Variants in ELOVL7 observed in about 807,000 individuals in gnomAD.
ELOVL7 encodes the protein very long chain fatty acid elongase 7.
A neutral mutation model predicts 35.7 loss-of-function variants in ELOVL7; 27 were observed. The observed-to-expected ratio is 0.76, with a 90% CI of 0.56 to 1.04. The LOEUF is 1.04. ELOVL7 is among the 50% of genes least tolerant of loss of function. ELOVL7 has a pLI of 0.00. For missense variants in ELOVL7, 327 were observed against 340.8 expected (o/e 0.96, Z 0.32); for synonymous variants, 113 against 114.6 (o/e 0.99, Z 0.09).
At chr5:60,769,098 G>GT (rs1742421327) in intron 4 of ELOVL7, among the ~76,000 whole-genome samples, 1 of 152,092 alleles carries the variant, frequency 6.6e-6, no homozygotes, top group African/African-American at 2.4e-5. Context: ...TGTTAACTTG[G>GT]TAAGTTATAA....
intron 3 of ELOVL7, among the ~76,000 whole-genome samples, chr5:60,780,642 C>A (rs1251376082): frequency 6.6e-6 from 1 of 152,086 alleles, no homozygotes; most frequent in East Asian, 1.9e-4. Flanking sequence ...GCTGGGGAGG[C>A]CTCAGGAAAC....
At chr5:60,800,673 C>A (rs1744555717) in intron 1 of ELOVL7, among the ~76,000 whole-genome samples, 1 of 152,190 alleles carries the variant, frequency 6.6e-6, no homozygotes, top group Non-Finnish European at 1.5e-5. Context: ...GATAAGGTCT[C>A]ATTCTGAAGT....
intron 1 of ELOVL7, among the ~76,000 whole-genome samples, chr5:60,826,117 G>A (rs935479353): frequency 3.3e-5 from 5 of 152,166 alleles, no homozygotes; most frequent in Admixed American, 6.5e-5. Flanking sequence ...CAAATAGTAC[G>A]TATCTATAAA....
rs1439413022 is a variant in ELOVL7 at position 60,754,237 on chromosome 5, AT to A, written c.*386del. 5.4e-6 allele frequency: 1 copy of A among 184,794 alleles called. No individual in the cohort carries two copies. Among genetic ancestry groups the A allele is most frequent in the Non-Finnish European group, 1.1e-5 (1 of 87,578 alleles). 11.4% of individuals were successfully genotyped at this position (184,794 alleles called of 1,614,324 possible). ...TTTCCAGACCCAGCAGAAGGAATCT[AT>A]TTTATCACATGGATCTCCGTCTGTG... On this transcript the variant is annotated 3_prime_UTR_variant, in exon 9 of 9. Transcript: ENST00000508821.
At chr5:60,780,535 A>G (rs1743184499) in intron 3 of ELOVL7, among the ~76,000 whole-genome samples, 1 of 152,140 alleles carries the variant, frequency 6.6e-6, no homozygotes, top group Non-Finnish European at 1.5e-5. Context: ...GTAGCGCCCC[A>G]TTCTGAGATA....
chr5:60,832,010 A>G (rs1746509135), intron 1 of ELOVL7, among the ~76,000 whole-genome samples: 2 of 152,216 alleles, frequency 1.3e-5, no homozygotes, highest in South Asian at 2.1e-4. Flanking sequence ...CAATATTACT[A>G]TTTCATAAGC....
At chr5:60,798,439 G>T (rs4700392) in intron 2 of ELOVL7, among the ~76,000 whole-genome samples, 123,891 of 152,130 alleles carry the variant, frequency 0.81, 50,688 homozygotes, top group East Asian at 0.89. Context: ...TGATACTACA[G>T]AAGCTTTTTT....
At chr5:60,825,203 G>C (rs1746099531) in intron 1 of ELOVL7, among the ~76,000 whole-genome samples, 1 of 152,006 alleles carries the variant, frequency 6.6e-6, no homozygotes, top group African/African-American at 2.4e-5. Flanking sequence ...CTCATACTTA[G>C]CTTCAACTGC....
At chr5:60,835,706 C>T (rs1317178943) in intron 1 of ELOVL7, among the ~76,000 whole-genome samples, 1 of 152,066 alleles carries the variant, frequency 6.6e-6, no homozygotes, top group Non-Finnish European at 1.5e-5. Flanking sequence ...AGCCACTGCA[C>T]CCAGCCATCT....
chr5:60,771,146 T>C, intron 4 of ELOVL7, among the ~76,000 whole-genome samples: 1 of 152,132 alleles, frequency 6.6e-6, no homozygotes, highest in Non-Finnish European at 1.5e-5. Context: ...GCACCAGTTA[T>C]GCTATAGAGG....
chr5:60,769,053 C>A (rs1347015524), intron 4 of ELOVL7, among the ~76,000 whole-genome samples: 1 of 152,128 alleles, frequency 6.6e-6, no homozygotes, highest in Admixed American at 6.5e-5. Flanking sequence ...CTGAGACTAG[C>A]CTCTAGCTTG....
intron 7 of ELOVL7, among the ~76,000 whole-genome samples, chr5:60,759,315 G>A (rs1741736191): frequency 6.6e-6 from 1 of 152,130 alleles, no homozygotes; most frequent in Non-Finnish European, 1.5e-5. Flanking sequence ...TTTCCAGCTT[G>A]TATTATTTAT....
chr5:60,841,352 T>C (rs1392320478), intron 1 of ELOVL7, among the ~76,000 whole-genome samples: 1 of 152,036 alleles, frequency 6.6e-6, no homozygotes, highest in Non-Finnish European at 1.5e-5. Context: ...CTATATGGAG[T>C]ATGATGAAGG....
chr5:60,760,010 T>C (rs1329359867), intron 7 of ELOVL7, among the ~76,000 whole-genome samples: 2 of 152,338 alleles, frequency 1.3e-5, no homozygotes, highest in Non-Finnish European at 2.9e-5. Context: ...GGTATATATG[T>C]GCCACATTTT....
intron 2 of ELOVL7, among the ~76,000 whole-genome samples, chr5:60,798,036 T>A (rs1003485502): frequency 1.3e-5 from 2 of 152,138 alleles, no homozygotes; most frequent in Non-Finnish European, 2.9e-5. Flanking sequence ...TTGCTTTGAG[T>A]TGTCCCGCGT....
chr5:60,773,233 A>G (rs900068949), intron 3 of ELOVL7, among the ~76,000 whole-genome samples: 2 of 152,214 alleles, frequency 1.3e-5, no homozygotes, highest in Non-Finnish European at 2.9e-5. Context: ...ACAAGTTCCC[A>G]GAAGGACCTG....
chr5:60,815,748 T>C (rs148960007), intron 1 of ELOVL7, among the ~76,000 whole-genome samples: 19 of 152,204 alleles, frequency 1.2e-4, no homozygotes, highest in African/African-American at 4.6e-4. Flanking sequence ...TTCTATTTCT[T>C]TTTAGTAGAG....
chr5:60,767,561 T>C (rs1742316804), intron 5 of ELOVL7, among the ~76,000 whole-genome samples: 1 of 152,246 alleles, frequency 6.6e-6, no homozygotes, highest in African/African-American at 2.4e-5. Context: ...ATGGTAATTC[T>C]ATTTTCAATT....
At chr5:60,837,835 G>A (rs1746918869) in intron 1 of ELOVL7, among the ~76,000 whole-genome samples, 2 of 152,030 alleles carry the variant, frequency 1.3e-5, no homozygotes, top group African/African-American at 2.4e-5. Flanking sequence ...CCAGCTACTC[G>A]GGAGGCTGAG....
Sources: allele counts gnomAD v4.1 joint callset (sites outside exome capture counted in the v4.1 genomes callset), GRCh38; gene constraint gnomAD v4.1.1; transcripts MANE v1.5; gene names NCBI Gene and HGNC (gene_info 2026-07-23, HGNC 2026-07-21).